The following ROBO2 variants were observed in gnomAD, a reference collection of about 807,000 sequenced individuals.
ROBO2 encodes the protein roundabout guidance receptor 2, also known as roundabout homolog 2.
Under a neutral mutation model 160.8 loss-of-function variants are expected in ROBO2, and 53 were observed. The ratio of observed to expected loss-of-function variants is 0.33; its 90% CI spans 0.26 to 0.41. ROBO2 has a LOEUF of 0.41. ROBO2 is among the 10% of genes least tolerant of loss of function. The pLI is 1.00. For missense variants in ROBO2, 1,577 were observed against 1,722.4 expected (o/e 0.92, Z 1.49); for synonymous variants, 664 against 611.7 (o/e 1.09, Z -1.26).
intron 2 of ROBO2, among the ~76,000 whole-genome samples, chr3:77,019,907 C>T (rs935461724): frequency 2.0e-5 from 3 of 152,168 alleles, no homozygotes; most frequent in African/African-American, 7.2e-5. Context: ...ATTTGAACCA[C>T]AAGTCTCATT....
chr3:77,284,779 A>G (rs1340929846), intron 2 of ROBO2, among the ~76,000 whole-genome samples: 1 of 152,104 alleles, frequency 6.6e-6, no homozygotes, highest in Non-Finnish European at 1.5e-5. Context: ...TAATAATATC[A>G]TCCCCCAATA....
At chr3:76,528,952 A>G (rs2082087173) in intron 2 of ROBO2, among the ~76,000 whole-genome samples, 1 of 152,144 alleles carries the variant, frequency 6.6e-6, no homozygotes, top group African/African-American at 2.4e-5. Context: ...TAGGCCAAGT[A>G]GAAAGAGGTG....
exon 25 of ROBO2, chr3:77,644,734 G>A (rs2095394457): frequency 6.2e-7 from 1 of 1,613,994 alleles, no homozygotes; most frequent in Non-Finnish European, 8.5e-7. Flanking sequence ...AGCAAGCCCA[G>A]TTTCCCATCT....
At chr3:76,870,677 A>G (rs573151705) in intron 2 of ROBO2, among the ~76,000 whole-genome samples, 1 of 152,244 alleles carries the variant, frequency 6.6e-6, no homozygotes, top group East Asian at 1.9e-4. Context: ...CAGCTTAGTT[A>G]TGATCCAGTT....
intron 19 of ROBO2, among the ~76,000 whole-genome samples, chr3:77,598,021 C>T (rs762324792): frequency 5.3e-5 from 8 of 151,982 alleles, no homozygotes; most frequent in African/African-American, 7.2e-5. Context: ...AATGGAGTAA[C>T]GGTAGAAAAT....
chr3:77,275,070 G>A (rs945181398), intron 2 of ROBO2, among the ~76,000 whole-genome samples: 1 of 152,012 alleles, frequency 6.6e-6, no homozygotes, highest in Non-Finnish European at 1.5e-5. Context: ...TGCATCATTT[G>A]CTGAAGAACA....
chr3:76,532,488 T>A (rs747504214), intron 2 of ROBO2, among the ~76,000 whole-genome samples: 6 of 152,188 alleles, frequency 3.9e-5, no homozygotes, highest in Admixed American at 2.6e-4. Context: ...ATAATAAGAA[T>A]TTAAGTTTTT....
chr3:76,398,319 C>G (rs2077592804), intron 2 of ROBO2, among the ~76,000 whole-genome samples: 1 of 109,944 alleles, frequency 9.1e-6, no homozygotes, highest in East Asian at 2.5e-4. Flanking sequence ...ACTCTGGGGA[C>G]TGTTGTGGGG....
intron 5 of ROBO2, among the ~76,000 whole-genome samples, chr3:77,494,028 A>C (rs1251360928): frequency 6.6e-6 from 1 of 152,180 alleles, no homozygotes; most frequent in African/African-American, 2.4e-5. Flanking sequence ...GTATTCAAAA[A>C]TGCTTTTCAT....
chr3:77,477,527 A>C (rs199597054), exon 3 of ROBO2: 24 of 1,613,964 alleles, frequency 1.5e-5, no homozygotes, highest in Non-Finnish European at 2.0e-5. Flanking sequence ...CATCTACTGG[A>C]AAAAAGACAA....
intron 2 of ROBO2, among the ~76,000 whole-genome samples, chr3:76,440,056 A>G (rs760370322): frequency 1.3e-5 from 2 of 152,054 alleles, no homozygotes; most frequent in Non-Finnish European, 2.9e-5. Context: ...CTACATTTGC[A>G]TTCTGGGGAA....
chr3:76,833,420 A>C (rs2067255245), intron 2 of ROBO2, among the ~76,000 whole-genome samples: 1 of 152,186 alleles, frequency 6.6e-6, no homozygotes, highest in Admixed American at 6.6e-5. Flanking sequence ...GAGAGAGATA[A>C]AAGTTTGTGG....
At chr3:77,202,496 G>A (rs139536033) in intron 2 of ROBO2, among the ~76,000 whole-genome samples, 2 of 152,228 alleles carry the variant, frequency 1.3e-5, no homozygotes, top group Admixed American at 1.3e-4. Flanking sequence ...AATGAGCTGG[G>A]AGGAGGTTGT....
chr3:77,056,798 A>G (rs2065794279), intron 1 of ROBO2, among the ~76,000 whole-genome samples: 1 of 152,180 alleles, frequency 6.6e-6, no homozygotes, highest in Non-Finnish European at 1.5e-5. Context: ...AAGATGTTTT[A>G]TAAATCAAGG....
At chr3:76,065,409 T>C (rs962950022) in intron 2 of ROBO2, among the ~76,000 whole-genome samples, 1 of 152,078 alleles carries the variant, frequency 6.6e-6, no homozygotes, top group African/African-American at 2.4e-5. Flanking sequence ...AAAAATCATT[T>C]GTAAAGACAA....
At chr3:76,472,976 A>G (rs981185627) in intron 2 of ROBO2, among the ~76,000 whole-genome samples, 3 of 152,174 alleles carry the variant, frequency 2.0e-5, no homozygotes, top group East Asian at 1.9e-4. Context: ...CGAGAAGACT[A>G]TCAGTGGTGT....
intron 2 of ROBO2, among the ~76,000 whole-genome samples, chr3:77,391,090 C>T (rs2074678201): frequency 6.6e-6 from 1 of 152,018 alleles, no homozygotes; most frequent in Non-Finnish European, 1.5e-5. Context: ...TTCTTTCTCT[C>T]TGTTGGACAC....
intron 2 of ROBO2, among the ~76,000 whole-genome samples, chr3:77,201,228 A>G (rs1478453032): frequency 6.6e-6 from 1 of 152,186 alleles, no homozygotes; most frequent in African/African-American, 2.4e-5. Flanking sequence ...CTGGAGTTGA[A>G]CCCAGAACTT....
At position 77,511,800 on chromosome 3, in the gene ROBO2, G is replaced by A. The variant is rs1005786866; in HGVS notation, c.807-10975G>A. ...CTGTAGAGGCTTTCAGAACAGAACA[G>A]CAAGTACACTTGAATGATAACCTTG... On this transcript the variant is annotated intron_variant, in intron 5 of 25. Transcript: ENST00000461745. Among the ~76,000 whole-genome samples, 3 of 151,994 alleles carry A rather than the reference G, an allele frequency of 2.0e-5. No homozygotes were observed. The South Asian group carries it at 6.2e-4, about 32-fold the overall frequency.
Sources: gnomAD v4.1 joint callset for allele counts (sites outside exome capture counted in the v4.1 genomes callset) on GRCh38, gnomAD v4.1.1 for gene constraint, MANE v1.5 for transcripts, NCBI Gene and HGNC (gene_info 2026-07-23, HGNC 2026-07-21) for gene names.